Variants in KIAA1217 observed in about 807,000 individuals in gnomAD.
KIAA1217 encodes sickle tail protein homolog.
KIAA1217 carries 88 observed loss-of-function variants against 163.9 expected under a neutral mutation model. The observed-to-expected ratio is 0.54, with a 90% CI of 0.45 to 0.64. The LOEUF (loss-of-function observed/expected upper bound fraction) is 0.64, where lower values mean the gene tolerates loss of function less well. Ranked by LOEUF, KIAA1217 falls within the 30% of genes least tolerant of loss-of-function variation. The pLI is 0.00. For missense variants in KIAA1217, 2,372 were observed against 2,475.0 expected (o/e 0.96, Z 0.88); for synonymous variants, 903 against 923.1 (o/e 0.98, Z 0.39).
intron 1 of KIAA1217, among the ~76,000 whole-genome samples, chr10:23,909,570 C>T (rs550175934): frequency 5.3e-5 from 8 of 151,964 alleles, no homozygotes; most frequent in African/African-American, 1.9e-4. Flanking sequence ...GAAAAGAAAG[C>T]TAAGGGAATG....
intron 1 of KIAA1217, among the ~76,000 whole-genome samples, chr10:23,767,492 A>G (rs1381677346): frequency 6.6e-6 from 1 of 152,076 alleles, no homozygotes; most frequent in Non-Finnish European, 1.5e-5. Flanking sequence ...TCCCAGCACT[A>G]TGGGAGGCTG....
chr10:24,207,282 T>TCTCTCTCTCA (rs529791287), upstream of KIAA1217, among the ~76,000 whole-genome samples: 15 of 140,168 alleles, frequency 1.1e-4, no homozygotes, highest in African/African-American at 4.3e-4. Context: ...TCTCTCTCTC[T>TCTCTCTCTCA]CACACACACA....
intron 5 of KIAA1217, among the ~76,000 whole-genome samples, chr10:24,440,112 C>T (rs1021167254): frequency 5.3e-5 from 8 of 152,172 alleles, no homozygotes; most frequent in Non-Finnish European, 4.4e-5. Flanking sequence ...CTCACGTACT[C>T]AACTGCTGTT....
intron 1 of KIAA1217, chr10:24,007,214 G>GT (rs776183707): frequency 2.7e-5 from 4 of 149,238 alleles, no homozygotes; most frequent in Non-Finnish European, 4.4e-5. Flanking sequence ...ATTATGACTT[G>GT]TATTTTACAG....
At chr10:23,800,505 G>A (rs1415420343) in intron 1 of KIAA1217, among the ~76,000 whole-genome samples, 1 of 152,024 alleles carries the variant, frequency 6.6e-6, no homozygotes, top group East Asian at 1.9e-4. Context: ...TCATAGTAAT[G>A]AGCCCTGTGC....
chr10:24,007,053 T>A (rs1299421922), intron 1 of KIAA1217, among the ~76,000 whole-genome samples: 1 of 152,150 alleles, frequency 6.6e-6, no homozygotes, highest in Non-Finnish European at 1.5e-5. Flanking sequence ...TAACTTTGGA[T>A]AACTATAAAG....
chr10:23,881,249 C>T (rs2131189480), intron 1 of KIAA1217, among the ~76,000 whole-genome samples: 1 of 151,948 alleles, frequency 6.6e-6, no homozygotes, highest in Middle Eastern at 3.4e-3. Context: ...AGTTGTTATG[C>T]AAAAAGAGCC....
chr10:24,388,137 C>T (rs1437877660), intron 3 of KIAA1217, among the ~76,000 whole-genome samples: 7 of 152,314 alleles, frequency 4.6e-5, no homozygotes, highest in Admixed American at 2.0e-4. Flanking sequence ...AGGCATCACA[C>T]TACCTGACTT....
intron 1 of KIAA1217, among the ~76,000 whole-genome samples, chr10:23,759,355 C>T (rs1834122727): frequency 6.6e-6 from 1 of 152,122 alleles, no homozygotes; most frequent in Non-Finnish European, 1.5e-5. Context: ...CATATGTGAA[C>T]AGAGATAATT....
At chr10:23,843,651 A>G (rs1468994414) in intron 1 of KIAA1217, among the ~76,000 whole-genome samples, 2 of 152,200 alleles carry the variant, frequency 1.3e-5, no homozygotes, top group Non-Finnish European at 2.9e-5. Context: ...GATACCCAGC[A>G]AGAAATCAGA....
At chr10:23,822,257 A>G (rs1458990284) in intron 1 of KIAA1217, among the ~76,000 whole-genome samples, 4 of 152,182 alleles carry the variant, frequency 2.6e-5, no homozygotes, top group Admixed American at 2.6e-4. Flanking sequence ...CAACTCATGA[A>G]CCTAAAAGTT....
At chr10:24,467,161 G>T (rs997333658) in intron 5 of KIAA1217, among the ~76,000 whole-genome samples, 9 of 152,034 alleles carry the variant, frequency 5.9e-5, no homozygotes, top group Non-Finnish European at 2.9e-5. Context: ...ATAATATATA[G>T]CTACATGTAA....
intron 6 of KIAA1217, among the ~76,000 whole-genome samples, chr10:24,476,099 T>A (rs2064004442): frequency 6.6e-6 from 1 of 152,130 alleles, no homozygotes; most frequent in East Asian, 1.9e-4. Flanking sequence ...AAACCTGAAT[T>A]TGCATGAAAA....
chr10:24,520,093 C>A, intron 10 of KIAA1217, 30 bp from the exon 11 acceptor site: 6 of 1,607,780 alleles, frequency 3.7e-6, no homozygotes, highest in Non-Finnish European at 5.1e-6. Context: ...TCGTGTTCAG[C>A]TCTATGTGCT....
chr10:23,703,798 G>A (rs1161666023), intron 1 of KIAA1217, among the ~76,000 whole-genome samples: 1 of 152,000 alleles, frequency 6.6e-6, no homozygotes, highest in Admixed American at 6.6e-5. Flanking sequence ...CAGCAAACTT[G>A]TTGTATAAAG....
chr10:24,463,416 T>G (rs756829132), intron 5 of KIAA1217, among the ~76,000 whole-genome samples: 1 of 152,186 alleles, frequency 6.6e-6, no homozygotes, highest in Non-Finnish European at 1.5e-5. Context: ...TCCTGGGAAT[T>G]AAATAATTTT....
At chr10:23,842,501 G>A (rs942423839) in intron 1 of KIAA1217, among the ~76,000 whole-genome samples, 11 of 151,998 alleles carry the variant, frequency 7.2e-5, no homozygotes, top group African/African-American at 2.7e-4. Context: ...ACATATTCTC[G>A]GATTAATCCT....
intron 3 of KIAA1217, among the ~76,000 whole-genome samples, chr10:24,426,787 G>A (rs2059208049): frequency 6.6e-6 from 1 of 152,198 alleles, no homozygotes; most frequent in Non-Finnish European, 1.5e-5. Flanking sequence ...GGTGAGAAGT[G>A]CGTGGCGCAG....
At chr10:24,487,649 T>C (rs1779839780) in intron 6 of KIAA1217, among the ~76,000 whole-genome samples, 1 of 152,222 alleles carries the variant, frequency 6.6e-6, no homozygotes, top group East Asian at 1.9e-4. Flanking sequence ...TTTGCCTGTT[T>C]TTTTTACAGG....
Sources: allele counts gnomAD v4.1 joint callset (sites outside exome capture counted in the v4.1 genomes callset), GRCh38; gene constraint gnomAD v4.1.1; transcripts MANE v1.5; gene names NCBI Gene and HGNC (gene_info 2026-07-23, HGNC 2026-07-21).